SPON1: variants seen among roughly 807,000 people sequenced by gnomAD.
The protein encoded by SPON1 is spondin-1.
SPON1 carries 52 observed loss-of-function variants against 111.7 expected under a neutral mutation model. The observed-to-expected ratio is 0.47, with a 90% CI of 0.37 to 0.59. The LOEUF is 0.59. SPON1 is among the 20% of genes least tolerant of loss of function. SPON1 has a pLI of 0.00. For missense variants in SPON1, 957 were observed against 1,068.5 expected (o/e 0.90, Z 1.46); for synonymous variants, 410 against 395.8 (o/e 1.04, Z -0.43).
rs1292014739 is a variant in SPON1, at chr11:14,156,077, C to T, written c.825+20509C>T. ...CCCTGAGGAATCACCACACTGACTTCCACAATGGTTGAACTAGTTTACAGT... is the reference window on the plus strand; with the variant it reads ...CCCTGAGGAATCACCACACTGACTTTCACAATGGTTGAACTAGTTTACAGT... On this transcript the variant is annotated intron_variant, in intron 6 of 15. Coordinates refer to ENST00000576479, the MANE Select transcript of SPON1 (RefSeq NM_006108.4). Among the ~76,000 whole-genome samples the T allele has an allele frequency of 1.6e-5, 2 of 122,848 alleles. 1 individual carries two copies. Among genetic ancestry groups the T allele is most frequent in the Non-Finnish European group, 3.6e-5 (2 of 54,846 alleles). 80.6% of individuals were successfully genotyped at this position (122,848 alleles called of 152,430 possible). A position where few individuals can be genotyped will look rare whatever the true frequency, so the allele number is the denominator to read the frequency against.
chr11:14,113,851 G>A (rs951661355), intron 5 of SPON1, among the ~76,000 whole-genome samples: 10 of 151,814 alleles, frequency 6.6e-5, no homozygotes, highest in East Asian at 1.9e-4. Flanking sequence ...TGATCCGCCC[G>A]CCTCAGCCTC....
intron 2 of SPON1, among the ~76,000 whole-genome samples, chr11:13,996,895 G>GAATTAT (rs1275025780): frequency 2.0e-5 from 3 of 152,028 alleles, no homozygotes; most frequent in African/African-American, 7.2e-5. Context: ...TCATACTGTT[G>GAATTAT]AATTATAATT....
At chr11:14,160,790 A>G (rs868993411) in intron 6 of SPON1, among the ~76,000 whole-genome samples, 1 of 44,264 alleles carries the variant, frequency 2.3e-5, no homozygotes, top group African/African-American at 9.0e-5. Context: ...TTTTATATAT[A>G]TTTATATATT....
intron 6 of SPON1, among the ~76,000 whole-genome samples, chr11:14,236,208 G>A (rs1848865480): frequency 1.3e-5 from 2 of 152,186 alleles, no homozygotes; most frequent in African/African-American, 4.8e-5. Flanking sequence ...CTAGCTGAGC[G>A]ATGATGGTGG....
At chr11:14,039,903 A>G (rs552348898) in intron 2 of SPON1, among the ~76,000 whole-genome samples, 64 of 152,342 alleles carry the variant, frequency 4.2e-4, no homozygotes, top group African/African-American at 1.4e-3. Flanking sequence ...TGAATAGACA[A>G]TTTGCAGAAA....
At position 14,265,766 on chromosome 11, in the gene SPON1, TTTAAA is replaced by T; in HGVS notation, c.*82_*86del. 6.7e-7 allele frequency: 1 copy of T among 1,493,584 alleles called. No individual in the cohort carries two copies. The highest frequency in any genetic ancestry group is 1.8e-4 in the Middle Eastern group (1 of 5,696). The allele number at this position is 1,493,584 out of a possible 1,614,324, so 92.5% of individuals were successfully genotyped here. A position where few individuals can be genotyped will look rare whatever the true frequency, so the allele number is the denominator to read the frequency against. The stretch of plus-strand genomic sequence containing the variant: ...TGGATTATTTGCTTGTTTAAGACAA[TTTAAA>T]TTGTGTACGCTAGTTTTCATTTTTG... On this transcript the variant is annotated 3_prime_UTR_variant, in exon 16 of 16. Transcript: ENST00000576479.
chr11:14,057,836 A>AAAAC (rs1848757115), intron 3 of SPON1, among the ~76,000 whole-genome samples: 5 of 148,970 alleles, frequency 3.4e-5, no homozygotes, highest in African/African-American at 4.9e-5. Flanking sequence ...CTCTACAAAA[A>AAAAC]AAAAAAACAA....
chr11:14,130,291 G>T (rs1359862576), intron 5 of SPON1, among the ~76,000 whole-genome samples: 2 of 152,150 alleles, frequency 1.3e-5, no homozygotes, highest in Admixed American at 1.3e-4. Flanking sequence ...TGGAAACAAA[G>T]AAATTAGATG....
intron 4 of SPON1, among the ~76,000 whole-genome samples, chr11:14,078,005 G>A (rs78611941): frequency 0.01 from 1,540 of 152,224 alleles, 26 homozygotes; most frequent in African/African-American, 0.036. Flanking sequence ...GGCGGCTCTG[G>A]AGATGCTCCA....
intron 1 of SPON1, among the ~76,000 whole-genome samples, chr11:13,979,633 T>G (rs1376229387): frequency 6.6e-6 from 1 of 152,146 alleles, no homozygotes; most frequent in African/African-American, 2.4e-5. Context: ...CTCTAAGAAT[T>G]GTCCTCACCT....
intron 5 of SPON1, among the ~76,000 whole-genome samples, chr11:14,113,124 G>A (rs1849237830): frequency 6.6e-6 from 1 of 152,194 alleles, no homozygotes; most frequent in Admixed American, 6.5e-5. Context: ...TAAAGCCAAA[G>A]GAATTCCTGT....
At position 14,135,114 on chromosome 11, in the gene SPON1, A is replaced by T. The variant is rs1364543323; in HGVS notation, c.677-306A>T. The T allele has an allele frequency of 8.9e-6, 2 of 224,008 alleles. No individual in the cohort carries two copies. Among genetic ancestry groups the T allele is most frequent in the Non-Finnish European group, 1.8e-5 (2 of 113,576 alleles). 13.9% of individuals were successfully genotyped at this position (224,008 alleles called of 1,614,324 possible). ...CCTTTCTACTCTATTTTGCCTTACA[A>T]ATATGATCAGCCTTTAACGTTCTCT... On this transcript the variant is annotated intron_variant, in intron 5 of 15. Coordinates refer to ENST00000576479, the MANE Select transcript of SPON1 (RefSeq NM_006108.4). The surrounding 1 kb of genome is among the most constrained non-coding windows in gnomAD (Gnocchi z 4.4).
chr11:14,215,231 G>T (rs1848614909), intron 6 of SPON1, among the ~76,000 whole-genome samples: 2 of 152,072 alleles, frequency 1.3e-5, no homozygotes, highest in Admixed American at 1.3e-4. Flanking sequence ...TCTGCCATTT[G>T]TAATATGTCA....
intron 2 of SPON1, among the ~76,000 whole-genome samples, chr11:14,014,060 G>A (rs1401606925): frequency 6.6e-6 from 1 of 152,166 alleles, no homozygotes; most frequent in Non-Finnish European, 1.5e-5. Context: ...TAATGCTGGG[G>A]GAGAAGCTCT....
At chr11:14,042,155 G>A (rs376542732) in intron 3 of SPON1, among the ~76,000 whole-genome samples, 142 of 152,172 alleles carry the variant, frequency 9.3e-4, no homozygotes, top group South Asian at 4.6e-3. Flanking sequence ...CCTCCTTTCA[G>A]TGAGTTATAA....
At position 13,975,125 on chromosome 11, in the gene SPON1, C is replaced by T. The variant is rs561493302; in HGVS notation, c.239-7722C>T. 1.5e-4 allele frequency among the ~76,000 whole-genome samples: 23 copies of T among 152,068 alleles called. No homozygotes were observed. The East Asian group carries it at 4.1e-3, about 27-fold the overall frequency. The stretch of plus-strand genomic sequence containing the variant: ...CCCCAGAACACATTGTTCATACCTC[C>T]ATAACACACTTTACATGTTATAAAA... On this transcript the variant is annotated intron_variant, in intron 1 of 15. Transcript: ENST00000576479.
chr11:13,980,401 G>C (rs539834593), intron 1 of SPON1, among the ~76,000 whole-genome samples: 1 of 152,018 alleles, frequency 6.6e-6, no homozygotes, highest in South Asian at 2.1e-4. Context: ...TACTTTTGTG[G>C]GATAACCGGC....
chr11:13,976,560 A>G (rs1554909069), intron 1 of SPON1, among the ~76,000 whole-genome samples: 1 of 152,248 alleles, frequency 6.6e-6, no homozygotes, highest in African/African-American at 2.4e-5. Context: ...GGTTGTGTAC[A>G]ACCTTAGCTT....
intron 6 of SPON1, among the ~76,000 whole-genome samples, chr11:14,199,740 A>G (rs1162662159): frequency 1.3e-5 from 2 of 152,206 alleles, no homozygotes; most frequent in African/African-American, 4.8e-5. Context: ...GTGCATTCAG[A>G]GGTTCATTCG....
Sources: allele counts gnomAD v4.1 joint callset (sites outside exome capture counted in the v4.1 genomes callset), GRCh38; gene constraint gnomAD v4.1.1; non-coding constraint Gnocchi (gnomAD v3.1); transcripts MANE v1.5; gene names NCBI Gene and HGNC (gene_info 2026-07-23, HGNC 2026-07-21).